The following TENT4A variants were observed in gnomAD, a reference collection of about 807,000 sequenced individuals.
TENT4A encodes the protein terminal nucleotidyltransferase 4A.
TENT4A carries 7 observed loss-of-function variants against 72.8 expected under a neutral mutation model. The ratio of observed to expected loss-of-function variants is 0.10; its 90% CI spans 0.05 to 0.18. The LOEUF is 0.18. Ranked by LOEUF, TENT4A falls within the 10% of genes least tolerant of loss-of-function variation. The pLI, the probability that TENT4A is intolerant of heterozygous loss-of-function variation, is 1.00. For synonymous variants in TENT4A, 456 were observed against 434.3 expected, an observed-to-expected ratio of 1.05 and a Z score of -0.62; for missense variants, 831 against 1,017.7, an observed-to-expected ratio of 0.82 and a Z score of 2.50.
At position 6,755,054 on chromosome 5, in the gene TENT4A, G is replaced by A; in HGVS notation, c.*109G>A. 2.1e-6 allele frequency: 2 copies of A among 930,808 alleles called. No homozygotes were observed. The highest frequency in any genetic ancestry group is 2.1e-5 in the South Asian group (1 of 48,600). 57.7% of individuals were successfully genotyped at this position (930,808 alleles called of 1,614,324 possible). A position where few individuals can be genotyped will look rare whatever the true frequency, so the allele number is the denominator to read the frequency against. On this transcript the variant is annotated 3_prime_UTR_variant, in exon 13 of 13. Transcript: ENST00000230859. The stretch of plus-strand genomic sequence containing the variant: ...ACCCCGCACGTCAGCCGGGCTCGCG[G>A]CACGCCCGCCGCTGATCACTCTGCA...
At chr5:6,716,902 C>T (rs1740414516) in intron 1 of TENT4A, among the ~76,000 whole-genome samples, 1 of 152,234 alleles carries the variant, frequency 6.6e-6, no homozygotes. Flanking sequence ...ACCATGCCTC[C>T]AGTATGGCCT....
chr5:6,750,682 C>A (rs556362983), intron 10 of TENT4A, 179 bp downstream of exon 10: 5 of 589,282 alleles, frequency 8.5e-6, no homozygotes, highest in Non-Finnish European at 1.4e-5. Context: ...TTTCCCCTGC[C>A]GTGAACCTTC....
At position 6,742,621 on chromosome 5, in the gene TENT4A, C is replaced by T. The variant is rs369613961; in HGVS notation, c.1116+24C>T. The stretch of plus-strand genomic sequence containing the variant: ...AGGTACTGTGCTTGGTGACCCAGCG[C>T]GGCGAGAGTGCAGGACTGGAGTGCT... On this transcript the variant is annotated intron_variant, in intron 5 of 12. Coordinates refer to ENST00000230859, the MANE Select transcript of TENT4A (RefSeq NM_006999.6). 319 of 1,409,954 alleles carry T rather than the reference C, an allele frequency of 2.3e-4. No homozygotes were observed. In the African/African-American group the frequency reaches 2.7e-3, roughly 12 times the overall value. The allele number at this position is 1,409,954 out of a possible 1,614,324, so 87.3% of individuals were successfully genotyped here. A position where few individuals can be genotyped will look rare whatever the true frequency, so the allele number is the denominator to read the frequency against.
chr5:6,734,380 G>C (rs574943576), intron 1 of TENT4A, among the ~76,000 whole-genome samples: 7 of 152,378 alleles, frequency 4.6e-5, no homozygotes, highest in African/African-American at 1.2e-4. Flanking sequence ...GGCCAGCCCA[G>C]AGGATGTAAT....
chr5:6,744,617 TAGAA>T (rs1741985500), intron 6 of TENT4A, among the ~76,000 whole-genome samples: 1 of 152,220 alleles, frequency 6.6e-6, no homozygotes, highest in Non-Finnish European at 1.5e-5. Context: ...GCTATGATAG[TAGAA>T]TCACTGGGTA....
At chr5:6,715,156 A>C (rs1740302671) in intron 1 of TENT4A, 1 of 152,306 alleles carries the variant, frequency 6.6e-6, no homozygotes, top group African/African-American at 2.4e-5. Context: ...TTTTTAAAAA[A>C]ATTTAACTGT....
intron 1 of TENT4A, among the ~76,000 whole-genome samples, chr5:6,731,605 TCAC>T (rs370830699): frequency 2.6e-5 from 4 of 151,498 alleles, no homozygotes; most frequent in African/African-American, 9.7e-5. Context: ...AGTGGTGTAA[TCAC>T]CACTCACTGT....
At chr5:6,730,664 G>A (rs1398846115) in intron 1 of TENT4A, among the ~76,000 whole-genome samples, 1 of 151,778 alleles carries the variant, frequency 6.6e-6, no homozygotes, top group African/African-American at 2.4e-5. Flanking sequence ...CGGAACTGAG[G>A]CAGGCACTAA....
intron 6 of TENT4A, among the ~76,000 whole-genome samples, chr5:6,745,190 G>A (rs1261029223): frequency 6.6e-6 from 1 of 152,244 alleles, no homozygotes; most frequent in South Asian, 2.1e-4. Flanking sequence ...AAGGAATAAG[G>A]AAGGGAATAA....
chr5:6,748,409 C>T (rs533471410), intron 7 of TENT4A, 55 bp from the exon 8 acceptor site: 2 of 1,601,326 alleles, frequency 1.2e-6, no homozygotes, highest in African/African-American at 2.7e-5. Context: ...AGATCCAAAA[C>T]ATGTGGACGA....
intron 7 of TENT4A, 37 bp from the exon 8 acceptor site, chr5:6,748,427 C>T (rs1326081201): frequency 1.9e-6 from 3 of 1,609,106 alleles, no homozygotes; most frequent in South Asian, 2.2e-5. Context: ...CGATGGTGTG[C>T]ATGTGGGGAG....
At chr5:6,731,262 A>G (rs935420616) in intron 1 of TENT4A, among the ~76,000 whole-genome samples, 4 of 152,220 alleles carry the variant, frequency 2.6e-5, no homozygotes, top group African/African-American at 9.6e-5. Context: ...GAATAAATTC[A>G]CAGTTAATGA....
chr5:6,720,305 A>G (rs1740580611), intron 1 of TENT4A, among the ~76,000 whole-genome samples: 1 of 152,072 alleles, frequency 6.6e-6, no homozygotes, highest in Non-Finnish European at 1.5e-5. Context: ...TAGGACCTTG[A>G]GGGGAGGAGG....
intron 8 of TENT4A, among the ~76,000 whole-genome samples, chr5:6,748,915 G>A (rs559496471): frequency 3.3e-5 from 5 of 152,010 alleles, no homozygotes; most frequent in Non-Finnish European, 7.4e-5. Flanking sequence ...CTACATTTTG[G>A]GGCATTTTTA....
intron 3 of TENT4A, 86 bp from the exon 4 acceptor site, chr5:6,739,646 C>T (rs370092556): frequency 3.7e-5 from 57 of 1,525,928 alleles, no homozygotes; most frequent in African/African-American, 2.5e-4. Context: ...GACACAGGCA[C>T]ATGTGCCTTG....
chr5:6,750,215 T>C lies in TENT4A; in HGVS notation c.1688-116T>C, dbSNP rs950039331. The C allele has an allele frequency of 1.7e-5, 11 of 649,910 alleles. No individual in the cohort carries two copies. The African/African-American group carries it at 1.7e-4, about 10-fold the overall frequency. The allele number at this position is 649,910 out of a possible 1,614,324, so 40.3% of individuals were successfully genotyped here. On this transcript the variant is annotated intron_variant, in intron 9 of 12. Coordinates refer to ENST00000230859, the MANE Select transcript of TENT4A (RefSeq NM_006999.6). ...AAATTAGGCAAAACCTAATGTTGGG[T>C]TTGTTAGTCACATTAGCAGCGTTCC...
At chr5:6,733,293 C>T (rs935935899) in intron 1 of TENT4A, among the ~76,000 whole-genome samples, 13 of 152,314 alleles carry the variant, frequency 8.5e-5, no homozygotes, top group East Asian at 1.9e-4. Flanking sequence ...ATGGTCAGGC[C>T]GCCTCTTGGC....
At chr5:6,748,278 C>T (rs1345475502) in intron 7 of TENT4A, among the ~76,000 whole-genome samples, 186 bp from the exon 8 acceptor site, 1 of 152,248 alleles carries the variant, frequency 6.6e-6, no homozygotes, top group African/African-American at 2.4e-5. Flanking sequence ...TGGTGATTGA[C>T]AGGGCCTTTG....
intron 5 of TENT4A, 143 bp from the exon 6 acceptor site, chr5:6,743,569 G>C (rs28381382): frequency 2.9e-5 from 19 of 651,134 alleles, no homozygotes; most frequent in Admixed American, 1.5e-4. Context: ...CCCAACCAAA[G>C]TTTGAGACTT....
Sources: gnomAD v4.1 joint callset for allele counts (sites outside exome capture counted in the v4.1 genomes callset) on GRCh38, gnomAD v4.1.1 for gene constraint, MANE v1.5 for transcripts, NCBI Gene and HGNC (gene_info 2026-07-23, HGNC 2026-07-21) for gene names.